The following NRXN3 variants were observed in gnomAD, a reference collection of about 807,000 sequenced individuals.
NRXN3 encodes the protein neurexin III.
In NRXN3, 32 loss-of-function variants were observed where a neutral mutation model predicts 137.6. The ratio of observed to expected loss-of-function variants is 0.23; its 90% CI spans 0.18 to 0.31. The LOEUF is 0.31. NRXN3 is among the 10% of genes least tolerant of loss of function. NRXN3 has a pLI of 1.00. For missense variants in NRXN3, 1,574 were observed against 2,062.5 expected (o/e 0.76, Z 4.59); for synonymous variants, 798 against 784.5 (o/e 1.02, Z -0.29).
At chr14:78,246,281 TTG>T (rs2067662831) in intron 2 of NRXN3, among the ~76,000 whole-genome samples, 1 of 152,232 alleles carries the variant, frequency 6.6e-6, no homozygotes. Flanking sequence ...TTTTTATATT[TTG>T]TGTGTGTTCC....
intron 8 of NRXN3, among the ~76,000 whole-genome samples, chr14:78,734,586 T>C (rs771200334): frequency 1.2e-4 from 19 of 152,138 alleles, no homozygotes; most frequent in Admixed American, 2.6e-4. Flanking sequence ...CAACTAAACA[T>C]GCAATTTCAA....
Position 78,982,704 on chromosome 14 carries a change from G to A in NRXN3, c.3143-5318G>A, listed in dbSNP as rs75759782. ...AACTATAAAACTACTAGAAGAAAAC[G>A]TACAGGAAGTGCTCCATTGCATTGT... On this transcript the variant is annotated intron_variant, in intron 14 of 20. Coordinates refer to ENST00000335750, the MANE Select transcript of NRXN3 (RefSeq NM_001330195.2). Among the ~76,000 whole-genome samples the A allele has an allele frequency of 8.7e-3, 1,316 of 152,122 alleles. 14 individuals are homozygous for A. The highest frequency in any genetic ancestry group is 0.03 in the African/African-American group (1,236 of 41,490).
intron 15 of NRXN3, among the ~76,000 whole-genome samples, chr14:79,382,642 T>A (rs184745998): frequency 6.6e-6 from 1 of 152,082 alleles, no homozygotes; most frequent in Non-Finnish European, 1.5e-5. Context: ...ATATAAGATA[T>A]AGATACCAGC....
At chr14:78,298,653 T>A (rs1422271762) in intron 4 of NRXN3, among the ~76,000 whole-genome samples, 3 of 152,212 alleles carry the variant, frequency 2.0e-5, no homozygotes, top group Non-Finnish European at 1.5e-5. Flanking sequence ...GTTAAAATTG[T>A]CTTTTCCTTC....
intron 20 of NRXN3, among the ~76,000 whole-genome samples, chr14:79,832,559 A>T (rs2099327091): frequency 6.6e-6 from 1 of 152,194 alleles, no homozygotes; most frequent in Admixed American, 6.5e-5. Context: ...AACTGGGAAG[A>T]TGCTAACGGC....
chr14:79,367,098 C>T (rs1161678108), intron 15 of NRXN3, among the ~76,000 whole-genome samples: 1 of 151,664 alleles, frequency 6.6e-6, no homozygotes, highest in Non-Finnish European at 1.5e-5. Context: ...TTTCTCCTGC[C>T]TCAGCCTCCC....
At chr14:78,863,162 A>G (rs529285514) in intron 10 of NRXN3, among the ~76,000 whole-genome samples, 3 of 152,274 alleles carry the variant, frequency 2.0e-5, no homozygotes, top group African/African-American at 7.2e-5. Flanking sequence ...AAGTCAGGCT[A>G]CAATACAACA....
At chr14:79,680,905 T>C (rs972228293) in intron 17 of NRXN3, among the ~76,000 whole-genome samples, 9 of 152,130 alleles carry the variant, frequency 5.9e-5, no homozygotes, top group African/African-American at 2.2e-4. Flanking sequence ...TACTTAACTC[T>C]ACTCATTATC....
intron 15 of NRXN3, among the ~76,000 whole-genome samples, chr14:79,329,087 C>T (rs2091312682): frequency 6.6e-6 from 1 of 152,150 alleles, no homozygotes; most frequent in African/African-American, 2.4e-5. Context: ...GTGTTCAAAG[C>T]AAGTTTTGGT....
chr14:79,669,976 A>G (rs1048387500), intron 17 of NRXN3, among the ~76,000 whole-genome samples: 7 of 152,062 alleles, frequency 4.6e-5, no homozygotes, highest in African/African-American at 1.4e-4. Context: ...CAGACTGACT[A>G]CCGGTACTGT....
At position 78,657,046 on chromosome 14, in the gene NRXN3, C is replaced by CAAAAAAAA. The variant is rs1174872709; in HGVS notation, c.1221+5742_1221+5749dup. Among the ~76,000 whole-genome samples, 64 of 31,064 alleles carry CAAAAAAAA rather than the reference C, an allele frequency of 2.1e-3. 2 individuals are homozygous for CAAAAAAAA. The highest frequency in any genetic ancestry group is 6.5e-3 in the African/African-American group (60 of 9,198). The allele number at this position is 31,064 out of a possible 152,430, so 20.4% of individuals were successfully genotyped here. On this transcript the variant is annotated intron_variant, in intron 6 of 20. Transcript: ENST00000335750. The stretch of plus-strand genomic sequence containing the variant: ...TGGGCGACAGAGTGAGACTCCGTCT[C>CAAAAAAAA]AAAAAAAAAAAAAAAAAAAAAAAAA...
intron 4 of NRXN3, among the ~76,000 whole-genome samples, chr14:78,626,904 C>T (rs1374709470): frequency 6.6e-6 from 1 of 152,152 alleles, no homozygotes; most frequent in Non-Finnish European, 1.5e-5. Context: ...CATAACTTCT[C>T]CTTCTTTTCT....
intron 19 of NRXN3, among the ~76,000 whole-genome samples, chr14:79,745,040 G>A (rs893791030): frequency 4.0e-5 from 6 of 150,830 alleles, no homozygotes; most frequent in African/African-American, 1.5e-4. Flanking sequence ...AAAAAAGCAG[G>A]TAGAAAGGCA....
At chr14:78,336,634 T>C (rs535565394) in intron 4 of NRXN3, among the ~76,000 whole-genome samples, 10 of 152,310 alleles carry the variant, frequency 6.6e-5, no homozygotes, top group Non-Finnish European at 1.3e-4. Flanking sequence ...CATTGTTTGA[T>C]AGATGAGGAG....
Position 78,581,654 on chromosome 14 carries a change from G to C in NRXN3, c.758-63466G>C, listed in dbSNP as rs549786741. 9.2e-4 allele frequency among the ~76,000 whole-genome samples: 140 copies of C among 152,258 alleles called. 1 individual carries two copies. Among genetic ancestry groups the C allele is most frequent in the African/African-American group, 3.2e-3 (134 of 41,550 alleles). Reference sequence around the variant, plus strand: ...TATTTTCATTATTTTTCCTGCTTGAGTATACATTTTCATCTCTGAAGACAG... The same window carrying C: ...TATTTTCATTATTTTTCCTGCTTGACTATACATTTTCATCTCTGAAGACAG... On this transcript the variant is annotated intron_variant, in intron 4 of 20. Transcript: ENST00000335750.
chr14:79,476,201 G>C (rs2096558254), intron 16 of NRXN3, among the ~76,000 whole-genome samples: 1 of 152,014 alleles, frequency 6.6e-6, no homozygotes, highest in African/African-American at 2.4e-5. Context: ...TATTGATGGG[G>C]GAATTCATTA....
chr14:79,325,849 A>G (rs1357570307), intron 15 of NRXN3, among the ~76,000 whole-genome samples: 1 of 152,190 alleles, frequency 6.6e-6, no homozygotes, highest in Non-Finnish European at 1.5e-5. Context: ...CTTGTCTGTT[A>G]GAAGACAGGG....
intron 15 of NRXN3, among the ~76,000 whole-genome samples, chr14:79,057,387 G>GTGGA (rs2099667111): frequency 1.3e-5 from 2 of 152,332 alleles, no homozygotes; most frequent in East Asian, 3.9e-4. Flanking sequence ...TATAATTAAT[G>GTGGA]TGGATTTAGT....
intron 1 of NRXN3, among the ~76,000 whole-genome samples, chr14:78,198,668 A>C (rs1051232339): frequency 2.6e-5 from 4 of 152,232 alleles, no homozygotes; most frequent in Non-Finnish European, 5.9e-5. Context: ...CTCTTATCCT[A>C]ACTGTAGCTG....
Sources: allele counts gnomAD v4.1 joint callset (sites outside exome capture counted in the v4.1 genomes callset), GRCh38; gene constraint gnomAD v4.1.1; transcripts MANE v1.5; gene names NCBI Gene and HGNC (gene_info 2026-07-23, HGNC 2026-07-21).